Variants in RTEL1 observed in about 807,000 individuals in gnomAD.
RTEL1 encodes the protein regulator of telomere elongation helicase 1.
In RTEL1, 86 loss-of-function variants were observed where a neutral mutation model predicts 162.2. That is an observed-to-expected ratio of 0.53 (90% CI 0.45 to 0.63). The LOEUF is 0.63. Ranked by LOEUF, RTEL1 falls within the 30% of genes least tolerant of loss-of-function variation. The pLI, the probability that RTEL1 is intolerant of heterozygous loss-of-function variation, is 0.00. For missense variants in RTEL1, 1,941 were observed against 1,750.2 expected (o/e 1.11, Z -1.95); for synonymous variants, 958 against 717.9 (o/e 1.33, Z -5.35).
At chr20:63,674,848 C>T (rs2090316767) in intron 10 of RTEL1, among the ~76,000 whole-genome samples, 1 of 152,094 alleles carries the variant, frequency 6.6e-6, no homozygotes, top group African/African-American at 2.4e-5. Context: ...GCGCTAGTCA[C>T]GGCATACGTG....
intron 7 of RTEL1, 65 bp downstream of exon 7, chr20:63,666,144 G>C: frequency 4.0e-6 from 5 of 1,246,028 alleles, no homozygotes; most frequent in Non-Finnish European, 5.8e-6. Context: ...GTGACCTGTG[G>C]AGGCCCGGAT....
chr20:63,692,017 G>C (rs956878196), intron 28 of RTEL1, 180 bp downstream of exon 28: 3 of 567,128 alleles, frequency 5.3e-6, no homozygotes, highest in Non-Finnish European at 9.5e-6. Flanking sequence ...TCTTCTGCAG[G>C]GGGCTCATGA....
Position 63,694,364 on chromosome 20 carries a change from T to A in RTEL1, c.2993-8T>A. On this transcript the variant is annotated splice_polypyrimidine_tract_variant and splice_region_variant and intron_variant, in intron 30 of 34. Transcript: ENST00000360203. ...GACCAGCTTTGTGGCTCTACATCTC[T>A]TCATCAGGAAGAACGGCGCCGGATC... 6.6e-7 allele frequency: 1 copy of A among 1,510,092 alleles called. No homozygotes were observed. Among genetic ancestry groups the A allele is most frequent in the Non-Finnish European group, 9.0e-7 (1 of 1,113,858 alleles). The allele number at this position is 1,510,092 out of a possible 1,614,324, so 93.5% of individuals were successfully genotyped here.
chr20:63,663,474 G>A (rs939795337), intron 6 of RTEL1, among the ~76,000 whole-genome samples: 5 of 152,238 alleles, frequency 3.3e-5, no homozygotes, highest in African/African-American at 7.2e-5. Context: ...GGAGCCGGCC[G>A]GGGCAGCTTG....
At chr20:63,671,545 G>A (rs192609006) in intron 8 of RTEL1, among the ~76,000 whole-genome samples, 3 of 151,016 alleles carry the variant, frequency 2.0e-5, no homozygotes, top group Non-Finnish European at 4.4e-5. Flanking sequence ...GCAGTGGTGC[G>A]ATCTCCACTC....
rs1388820506 is a variant in RTEL1 at position 63,691,051 on chromosome 20, TC to T, written c.2556+108del. On this transcript the variant is annotated intron_variant, in intron 27 of 34. Transcript: ENST00000360203. ...GCACCTCCCCACACACCCCTGTAAA[TC>T]CCCTGCCTGGCAGGCAGGCGGGCAA... 14 of 1,217,370 alleles carry T rather than the reference TC, an allele frequency of 1.2e-5. No individual in the cohort carries two copies. The South Asian group carries it at 1.8e-4, about 16-fold the overall frequency. The allele number at this position is 1,217,370 out of a possible 1,614,324, so 75.4% of individuals were successfully genotyped here. A position where few individuals can be genotyped will look rare whatever the true frequency, so the allele number is the denominator to read the frequency against.
intron 30 of RTEL1, 158 bp from the exon 31 acceptor site, chr20:63,694,214 T>C: frequency 1.5e-6 from 1 of 662,166 alleles, no homozygotes; most frequent in South Asian, 1.7e-5. Flanking sequence ...TGGTGTCTCC[T>C]CTGATGCCCC....
Position 63,680,534 on chromosome 20 carries a change from C to T in RTEL1, c.1136-130C>T, listed in dbSNP as rs754546996. 6.1e-4 allele frequency: 588 copies of T among 956,974 alleles called. 1 individual carries two copies. Among genetic ancestry groups the T allele is most frequent in the Non-Finnish European group, 8.9e-4 (551 of 621,996 alleles). 59.3% of individuals were successfully genotyped at this position (956,974 alleles called of 1,614,324 possible). A position where few individuals can be genotyped will look rare whatever the true frequency, so the allele number is the denominator to read the frequency against. Reference sequence around the variant, plus strand: ...CCCTGAATGGATGCTGCGCTCCACCCTGGGCCCCCCATTGGGCAGGAGATG... The same window carrying T: ...CCCTGAATGGATGCTGCGCTCCACCTTGGGCCCCCCATTGGGCAGGAGATG... On this transcript the variant is annotated intron_variant, in intron 13 of 34. Transcript: ENST00000360203.
At chr20:63,674,341 A>G (rs1445288785) in intron 10 of RTEL1, among the ~76,000 whole-genome samples, 1 of 152,214 alleles carries the variant, frequency 6.6e-6, no homozygotes, top group East Asian at 1.9e-4. Context: ...TGAATTCTTC[A>G]GGGTCCTGTA....
Position 63,695,906 on chromosome 20 carries a change from C to G in RTEL1, c.*48C>G. The G allele has an allele frequency of 5.3e-6, 8 of 1,520,918 alleles. No homozygotes were observed. Among genetic ancestry groups the G allele is most frequent in the Non-Finnish European group, 7.1e-6 (8 of 1,124,724 alleles). The allele number at this position is 1,520,918 out of a possible 1,614,324, so 94.2% of individuals were successfully genotyped here. ...CACCCAACGTGGCTTGATCACCTGC[C>G]TGTCCAGCTCTGGTGGGCCAAGAAC... On this transcript the variant is annotated 3_prime_UTR_variant, in exon 35 of 35. Coordinates refer to ENST00000360203, the MANE Select transcript of RTEL1 (RefSeq NM_001283009.2).
intron 28 of RTEL1, 148 bp from the exon 29 acceptor site, chr20:63,692,657 C>T (rs970150424): frequency 1.4e-6 from 1 of 738,786 alleles, no homozygotes; most frequent in Admixed American, 2.4e-5. Context: ...CTCCCTATGT[C>T]CATCCAGCCA....
chr20:63,675,734 AC>A (rs753492409), intron 10 of RTEL1, among the ~76,000 whole-genome samples: 23 of 152,242 alleles, frequency 1.5e-4, no homozygotes, highest in Non-Finnish European at 2.9e-4. Flanking sequence ...GGGACTTTGA[AC>A]GCTCCACCTC....
At chr20:63,666,985 G>A (rs891162118) in intron 7 of RTEL1, among the ~76,000 whole-genome samples, 7 of 151,950 alleles carry the variant, frequency 4.6e-5, no homozygotes, top group East Asian at 1.9e-4. Context: ...GACTACAGGT[G>A]CCCGCCACCA....
At position 63,690,221 on chromosome 20, in the gene RTEL1, G is replaced by C; in HGVS notation, c.2265+11G>C. The C allele has an allele frequency of 6.2e-7, 1 of 1,611,556 alleles. No homozygotes were observed. The highest frequency in any genetic ancestry group is 8.5e-7 in the Non-Finnish European group (1 of 1,179,086). On this transcript the variant is annotated intron_variant, in intron 25 of 34. Coordinates refer to ENST00000360203, the MANE Select transcript of RTEL1 (RefSeq NM_001283009.2). ...GTTGCCGAGCGAACTGTGAGTTCCT[G>C]CCCAGGGAGGGGATGAGGGTGTTGT...
chr20:63,689,736 G>A lies in RTEL1; in HGVS notation c.2026-14G>A, dbSNP rs753171579. The A allele has an allele frequency of 1.4e-5, 22 of 1,609,414 alleles. No homozygotes were observed. The highest frequency in any genetic ancestry group is 2.2e-5 in the East Asian group (1 of 44,802). ...CCAAGGGAGCCCCCGTGACCGAGCC[G>A]CCTCGCCCCACAGTTCCTCTCTGGG... On this transcript the variant is annotated splice_polypyrimidine_tract_variant and intron_variant, in intron 23 of 34. Coordinates refer to ENST00000360203, the MANE Select transcript of RTEL1 (RefSeq NM_001283009.2).
At chr20:63,681,207 C>T (rs2090471618) in intron 14 of RTEL1, 3 of 985,316 alleles carry the variant, frequency 3.0e-6, no homozygotes, top group African/African-American at 1.7e-5. Context: ...TTGGCCCCGT[C>T]CTGTCCTGCA....
intron 30 of RTEL1, among the ~76,000 whole-genome samples, chr20:63,693,990 G>A (rs2090895924): frequency 6.6e-6 from 1 of 151,638 alleles, no homozygotes; most frequent in Admixed American, 6.6e-5. Context: ...AGTCTCCAGA[G>A]GCGGAAGCAT....
chr20:63,681,931 G>A (rs909988680), intron 14 of RTEL1: 41 of 985,274 alleles, frequency 4.2e-5, no homozygotes, highest in Middle Eastern at 5.2e-4. Flanking sequence ...GTGCTGTCCC[G>A]CATGGAGTGT....
Position 63,687,714 on chromosome 20 carries a change from C to T in RTEL1, c.1425C>T (p.Leu475=), listed in dbSNP as rs1414300678. ...HELVRQGVRS[L]ILTSGTLAPV... is the part of the protein sequence containing the mutation. ...TGGTCCGCCAGGGCGTCCGCTCCCT[C>T]ATCCTTACCAGCGGCACGCTGGCCC... Residue 475 remains leucine (L), a synonymous_variant, in exon 17 of 35, where the codon CTC becomes CTT. Transcript: ENST00000360203. 2 of 1,602,958 alleles carry T rather than the reference C, an allele frequency of 1.2e-6. No homozygotes were observed. The highest frequency in any genetic ancestry group is 2.2e-5 in the East Asian group (1 of 44,518).
Sources: allele counts gnomAD v4.1 joint callset (sites outside exome capture counted in the v4.1 genomes callset), GRCh38; gene constraint gnomAD v4.1.1; transcripts MANE v1.5; gene names NCBI Gene and HGNC (gene_info 2026-07-23, HGNC 2026-07-21).